Variants in WIF1 observed in about 807,000 individuals in gnomAD.
WIF1 encodes Wnt inhibitory factor 1.
Under a neutral mutation model 53.5 loss-of-function variants are expected in WIF1, and 35 were observed. That is an observed-to-expected ratio of 0.65 (90% CI 0.50 to 0.87). The LOEUF (loss-of-function observed/expected upper bound fraction) is 0.87. Ranked by LOEUF, WIF1 falls within the 40% of genes least tolerant of loss-of-function variation. The pLI is 0.00. For missense variants in WIF1, 467 were observed against 476.8 expected (o/e 0.98, Z 0.19); for synonymous variants, 171 against 170.4 (o/e 1.00, Z -0.03).
chr12:65,119,044 GAATT>G (rs770977222), intron 2 of WIF1, among the ~76,000 whole-genome samples: 2 of 152,108 alleles, frequency 1.3e-5, no homozygotes, highest in African/African-American at 2.4e-5. Flanking sequence ...CAAAAATATA[GAATT>G]AATTGGCCAC....
At chr12:65,090,834 A>G (rs1339654902) in intron 2 of WIF1, among the ~76,000 whole-genome samples, 2 of 152,314 alleles carry the variant, frequency 1.3e-5, no homozygotes, top group African/African-American at 4.8e-5. Flanking sequence ...ACACAGGATC[A>G]ATATAAAGTC....
chr12:65,099,748 A>G (rs1883252707), intron 2 of WIF1, among the ~76,000 whole-genome samples: 1 of 152,086 alleles, frequency 6.6e-6, no homozygotes, highest in African/African-American at 2.4e-5. Context: ...TTTCTTTTAC[A>G]AGCACCCATA....
chr12:65,110,528 C>T (rs983135376), intron 2 of WIF1, among the ~76,000 whole-genome samples: 3 of 152,180 alleles, frequency 2.0e-5, no homozygotes, highest in Non-Finnish European at 2.9e-5. Flanking sequence ...TGTGTTCATA[C>T]ATCTGTTTCA....
rs779950456 is a variant in WIF1, at chr12:65,066,663, G to C, written c.708C>G (p.Phe236Leu). 1 of 1,609,700 alleles carries C rather than the reference G, an allele frequency of 6.2e-7. No individual in the cohort carries two copies. The highest frequency in any genetic ancestry group is 1.7e-5 in the Admixed American group (1 of 59,460). ...TPGFCICPPG[F>L]YGVNCDKANC... ...TACCTTTGTCACAGTTCACTCCATA[G>C]AATCCAGGTGGGCAGATGCAGAAAC... is the stretch of plus-strand genomic sequence containing the variant. Residue 236 changes from phenylalanine (F) to leucine (L), a missense_variant, in exon 6 of 10, where the codon TTC becomes TTG. Physicochemically the swap from Phe to Leu is conservative, Grantham distance 22 (BLOSUM62 0). Coordinates refer to ENST00000286574, the MANE Select transcript of WIF1 (RefSeq NM_007191.5).
At chr12:65,058,405 A>G (rs908435889) in intron 7 of WIF1, among the ~76,000 whole-genome samples, 24 of 152,300 alleles carry the variant, frequency 1.6e-4, no homozygotes, top group Admixed American at 1.4e-3. Context: ...AATGCAGAAA[A>G]TGACTGGTGG....
At chr12:65,059,556 C>T (rs1006950194) in intron 7 of WIF1, among the ~76,000 whole-genome samples, 4 of 152,156 alleles carry the variant, frequency 2.6e-5, no homozygotes, top group African/African-American at 9.7e-5. Flanking sequence ...TGTATGTACA[C>T]ACCATCCATC....
In WIF1 at chr12:65,081,188, T is replaced by C. The variant is rs567554470; in HGVS notation, c.289-3334A>G. Among the ~76,000 whole-genome samples the C allele has an allele frequency of 2.7e-4, 41 of 152,290 alleles. No homozygotes were observed. The South Asian group carries it at 8.3e-3, about 31-fold the overall frequency. The stretch of plus-strand genomic sequence containing the variant: ...TCCGTGGCTGATGATTCTTTTTCCA[T>C]AATTCTCTGATCATAGATAAAATAT... On this transcript the variant is annotated intron_variant, in intron 2 of 9. Coordinates refer to ENST00000286574, the MANE Select transcript of WIF1 (RefSeq NM_007191.5).
rs373968273 is a variant in WIF1 at position 65,102,957 on chromosome 12, A to C, written c.288+17460T>G. ...AAAAAACATCTAAAATATCAAGTAC[A>C]AAAATAGATGATGGGTAAGTATTTC... On this transcript the variant is annotated intron_variant, in intron 2 of 9. Transcript: ENST00000286574. Among the ~76,000 whole-genome samples the C allele has an allele frequency of 2.2e-3, 340 of 152,352 alleles. 1 individual carries two copies. Among genetic ancestry groups the C allele is most frequent in the African/African-American group, 7.9e-3 (330 of 41,588 alleles).
At chr12:65,075,422 A>T in intron 3 of WIF1, among the ~76,000 whole-genome samples, 1 of 152,208 alleles carries the variant, frequency 6.6e-6, no homozygotes, top group Non-Finnish European at 1.5e-5. Flanking sequence ...AATAAGACTA[A>T]ATTTTTTTTA....
intron 2 of WIF1, among the ~76,000 whole-genome samples, chr12:65,115,245 C>T (rs1043376395): frequency 1.3e-5 from 2 of 150,340 alleles, no homozygotes; most frequent in African/African-American, 4.9e-5. Context: ...ATTCCTAGTA[C>T]CTTAGCATAT....
intron 6 of WIF1, among the ~76,000 whole-genome samples, chr12:65,065,446 C>T (rs768928514): frequency 6.6e-6 from 1 of 152,140 alleles, no homozygotes; most frequent in Non-Finnish European, 1.5e-5. Context: ...TAATACTTTA[C>T]ATATCTCAAA....
intron 2 of WIF1, among the ~76,000 whole-genome samples, chr12:65,108,204 C>T (rs1384108196): frequency 6.6e-6 from 1 of 152,202 alleles, no homozygotes; most frequent in Non-Finnish European, 1.5e-5. Flanking sequence ...TGAGAGCAAG[C>T]ATCATATCCA....
rs556778757 is a variant in WIF1 at position 65,104,191 on chromosome 12, T to C, written c.288+16226A>G. On this transcript the variant is annotated intron_variant, in intron 2 of 9. Transcript: ENST00000286574. ...ATGCCCCATATATGCCCGTTCTTAT[T>C]ATTAGGTTAAATCACATAAAATTCA... Among the ~76,000 whole-genome samples, 5 of 152,314 alleles carry C rather than the reference T, an allele frequency of 3.3e-5. No homozygotes were observed. The South Asian group carries it at 1.0e-3, about 32-fold the overall frequency.
chr12:65,053,729 G>A (rs1882479141), intron 9 of WIF1, among the ~76,000 whole-genome samples: 1 of 151,930 alleles, frequency 6.6e-6, no homozygotes, highest in Non-Finnish European at 1.5e-5. Context: ...AAAGTAAACA[G>A]ATGTATAACT....
intron 7 of WIF1, among the ~76,000 whole-genome samples, chr12:65,057,957 G>C (rs1031631628): frequency 6.6e-6 from 1 of 152,136 alleles, no homozygotes; most frequent in African/African-American, 2.4e-5. Flanking sequence ...TAACAATATT[G>C]GGATGTTAGG....
intron 2 of WIF1, among the ~76,000 whole-genome samples, chr12:65,090,790 ACATTGTAAG>A (rs1280135974): frequency 6.6e-6 from 1 of 152,176 alleles, no homozygotes; most frequent in Non-Finnish European, 1.5e-5. Flanking sequence ...AAATGTTGGC[ACATTGTAAG>A]CATTCAACAA....
chr12:65,060,329 T>C (rs1320594397), intron 7 of WIF1, among the ~76,000 whole-genome samples: 1 of 152,196 alleles, frequency 6.6e-6, no homozygotes. Context: ...CAAAATGTGG[T>C]AAATCCATAA....
intron 2 of WIF1, among the ~76,000 whole-genome samples, chr12:65,094,128 A>G (rs1883166391): frequency 1.3e-5 from 2 of 152,262 alleles, no homozygotes; most frequent in South Asian, 4.1e-4. Context: ...TTTCACAGCT[A>G]CTGTCAGCCT....
intron 7 of WIF1, among the ~76,000 whole-genome samples, chr12:65,058,983 C>T (rs1018975211): frequency 4.0e-5 from 6 of 151,802 alleles, no homozygotes; most frequent in Admixed American, 2.0e-4. Context: ...ACCTGGAAGG[C>T]GGAGGTTGCA....
Sources: gnomAD v4.1 joint callset for allele counts (sites outside exome capture counted in the v4.1 genomes callset) on GRCh38, gnomAD v4.1.1 for gene constraint, MANE v1.5 for transcripts, NCBI Gene and HGNC (gene_info 2026-07-23, HGNC 2026-07-21) for gene names.